Variants in COL5A2 observed in about 807,000 individuals in gnomAD.
The protein encoded by COL5A2 is collagen alpha-2(V) chain.
COL5A2 carries 23 observed loss-of-function variants against 208.2 expected under a neutral mutation model. That is an observed-to-expected ratio of 0.11 (90% CI 0.08 to 0.16). The LOEUF (loss-of-function observed/expected upper bound fraction) is 0.16. COL5A2 is among the 10% of genes least tolerant of loss of function. COL5A2 has a pLI of 1.00. For missense variants in COL5A2, 1,590 were observed against 1,956.4 expected (o/e 0.81, Z 3.53); for synonymous variants, 625 against 628.5 (o/e 0.99, Z 0.08).
chr2:189,329,807 A>G, the COL5A2 span, among the ~76,000 whole-genome samples: 2 of 152,312 alleles, frequency 1.3e-5, no homozygotes, highest in South Asian at 2.1e-4. Context: ...AAAAACTTCA[A>G]AAGTCTAAAA....
chr2:189,436,663 T>C, the COL5A2 span, among the ~76,000 whole-genome samples: 3 of 152,256 alleles, frequency 2.0e-5, no homozygotes, highest in South Asian at 2.1e-4. Context: ...TGGAATACTA[T>C]GCAGCCACAA....
the COL5A2 span, among the ~76,000 whole-genome samples, chr2:189,343,887 C>A: frequency 1.3e-5 from 2 of 152,188 alleles, no homozygotes; most frequent in Non-Finnish European, 2.9e-5. Flanking sequence ...ATAGAAGAGA[C>A]AAATATAAAA....
At chr2:189,305,834 T>C in the COL5A2 span, among the ~76,000 whole-genome samples, 1 of 146,136 alleles carries the variant, frequency 6.8e-6, no homozygotes, top group Non-Finnish European at 1.5e-5. Flanking sequence ...AAAAAAAAAC[T>C]AGACATATAT....
the COL5A2 span, among the ~76,000 whole-genome samples, chr2:189,240,366 T>A: frequency 6.6e-6 from 1 of 152,134 alleles, no homozygotes. Context: ...AGAACACTTG[T>A]GTCTTTTATA....
At chr2:189,374,892 A>C in the COL5A2 span, among the ~76,000 whole-genome samples, 1 of 152,222 alleles carries the variant, frequency 6.6e-6, no homozygotes, top group Non-Finnish European at 1.5e-5. Flanking sequence ...AACAAAGAAG[A>C]ATGAAGCACC....
the COL5A2 span, among the ~76,000 whole-genome samples, chr2:189,293,452 G>T: frequency 6.6e-6 from 1 of 152,210 alleles, no homozygotes; most frequent in African/African-American, 2.4e-5. Flanking sequence ...TTTCCAGTAG[G>T]ATAGAACAAG....
At chr2:189,041,781 G>T (rs1197812606) in intron 49 of COL5A2, 88 bp from the exon 50 acceptor site, 18 of 796,662 alleles carry the variant, frequency 2.3e-5, no homozygotes, top group Non-Finnish European at 3.5e-5. Context: ...TTTACATATG[G>T]AGCTGTAACA....
intron 1 of COL5A2, among the ~76,000 whole-genome samples, chr2:189,127,655 T>C (rs1014469090): frequency 1.3e-5 from 2 of 152,024 alleles, no homozygotes; most frequent in Non-Finnish European, 2.9e-5. Flanking sequence ...GAGAATCAAA[T>C]AGATGTGAGA....
chr2:189,195,507 G>T (rs1688989408), intron 1 of COL5A2, among the ~76,000 whole-genome samples: 1 of 152,048 alleles, frequency 6.6e-6, no homozygotes, highest in South Asian at 2.1e-4. Context: ...GTATAGCCAA[G>T]ACAATCCTAA....
intron 1 of COL5A2, among the ~76,000 whole-genome samples, chr2:189,150,669 T>C (rs1044514660): frequency 9.2e-5 from 14 of 152,248 alleles, no homozygotes; most frequent in African/African-American, 3.1e-4. Context: ...CTGTAGACAA[T>C]AAATGTTTCT....
chr2:189,320,597 G>A, the COL5A2 span, among the ~76,000 whole-genome samples: 1 of 152,168 alleles, frequency 6.6e-6, no homozygotes, highest in Admixed American at 6.5e-5. Context: ...GAAATAAAGT[G>A]AGAAAAGAAG....
At chr2:189,140,305 A>C (rs190312784) in intron 1 of COL5A2, among the ~76,000 whole-genome samples, 11 of 152,308 alleles carry the variant, frequency 7.2e-5, no homozygotes, top group African/African-American at 2.6e-4. Flanking sequence ...AAACAGAAAA[A>C]ACATGCCCAG....
At chr2:189,202,027 T>C (rs1689085943) in intron 1 of COL5A2, among the ~76,000 whole-genome samples, 2 of 151,396 alleles carry the variant, frequency 1.3e-5, no homozygotes, top group Admixed American at 1.3e-4. Flanking sequence ...TATATATTCA[T>C]AGAATTTGAG....
the COL5A2 span, among the ~76,000 whole-genome samples, chr2:189,290,265 GAAC>G: frequency 6.6e-6 from 1 of 152,170 alleles, no homozygotes; most frequent in Admixed American, 6.5e-5. Flanking sequence ...TATGATGTTT[GAAC>G]AACGACAAAA....
intron 1 of COL5A2, among the ~76,000 whole-genome samples, chr2:189,114,765 T>C (rs1012598484): frequency 1.3e-5 from 2 of 151,942 alleles, no homozygotes; most frequent in African/African-American, 4.8e-5. Context: ...GCTTAATACC[T>C]AGGTGATGGG....
the COL5A2 span, among the ~76,000 whole-genome samples, chr2:189,334,875 T>C: frequency 1.3e-5 from 2 of 151,996 alleles, no homozygotes; most frequent in Non-Finnish European, 1.5e-5. Context: ...CATAACAATA[T>C]ATATACCTAC....
Position 189,133,403 on chromosome 2 carries a change from G to T in COL5A2, c.98-22954C>A, listed in dbSNP as rs146404646. Reference sequence around the variant, plus strand: ...CAACAAGTGCTGGGATTACAAGCGTGAGCCACCACACCCAGCCTATTCAAC... The same window carrying T: ...CAACAAGTGCTGGGATTACAAGCGTTAGCCACCACACCCAGCCTATTCAAC... On this transcript the variant is annotated intron_variant, in intron 1 of 53. Coordinates refer to ENST00000374866, the MANE Select transcript of COL5A2 (RefSeq NM_000393.5). Among the ~76,000 whole-genome samples, 335 of 152,134 alleles carry T rather than the reference G, an allele frequency of 2.2e-3. 2 individuals carry two copies. Among genetic ancestry groups the T allele is most frequent in the African/African-American group, 7.8e-3 (325 of 41,498 alleles).
At chr2:189,425,398 C>T in the COL5A2 span, among the ~76,000 whole-genome samples, 1 of 152,182 alleles carries the variant, frequency 6.6e-6, no homozygotes, top group Non-Finnish European at 1.5e-5. Flanking sequence ...GCTATCTGCA[C>T]TCTCGTGTTT....
chr2:189,190,340 C>A (rs11676812), intron 1 of COL5A2, among the ~76,000 whole-genome samples: 2 of 151,968 alleles, frequency 1.3e-5, no homozygotes, highest in Non-Finnish European at 2.9e-5. Context: ...TATAAATGTG[C>A]CTTGTCTTCC....
Sources: allele counts gnomAD v4.1 joint callset (sites outside exome capture counted in the v4.1 genomes callset), GRCh38; gene constraint gnomAD v4.1.1; transcripts MANE v1.5; gene names NCBI Gene and HGNC (gene_info 2026-07-23, HGNC 2026-07-21).